Variants in GLIS3 observed in about 807,000 individuals in gnomAD.
The protein encoded by GLIS3 is zinc finger protein GLIS3.
A neutral mutation model predicts 78.6 loss-of-function variants in GLIS3; 53 were observed. The observed-to-expected ratio is 0.67, with a 90% CI of 0.54 to 0.85. The LOEUF (loss-of-function observed/expected upper bound fraction) is 0.85. GLIS3 is among the 40% of genes least tolerant of loss of function. The pLI is 0.00. For missense variants in GLIS3, 1,703 were observed against 1,231.1 expected (o/e 1.38, Z -5.74); for synonymous variants, 684 against 509.9 (o/e 1.34, Z -4.60).
At chr9:4,042,613 C>G (rs189300416) in intron 4 of GLIS3, among the ~76,000 whole-genome samples, 2 of 152,190 alleles carry the variant, frequency 1.3e-5, no homozygotes, top group South Asian at 4.2e-4. Flanking sequence ...TTTATGTAAG[C>G]CCAGGTGTTC....
intron 4 of GLIS3, among the ~76,000 whole-genome samples, chr9:4,113,544 G>A (rs1831396222): frequency 6.6e-6 from 1 of 152,198 alleles, no homozygotes; most frequent in Non-Finnish European, 1.5e-5. Flanking sequence ...ATGAAGTGGG[G>A]ATTAAGAATT....
chr9:4,330,748 G>A (rs1367953221), intron 2 of GLIS3, among the ~76,000 whole-genome samples: 1 of 152,150 alleles, frequency 6.6e-6, no homozygotes, highest in East Asian at 1.9e-4. Flanking sequence ...GGGAGGGAGT[G>A]GGAGCCCACT....
intron 4 of GLIS3, among the ~76,000 whole-genome samples, chr9:4,024,035 C>CA (rs111949985): frequency 0.12 from 16,565 of 143,930 alleles, 1,007 homozygotes; most frequent in Middle Eastern, 0.15. Flanking sequence ...CAAAAAAAAA[C>CA]AAAAAAAAAA....
chr9:4,120,567 G>A (rs192645867), intron 3 of GLIS3, among the ~76,000 whole-genome samples: 139 of 152,348 alleles, frequency 9.1e-4, no homozygotes, highest in African/African-American at 3.2e-3. Flanking sequence ...CCTGGTGATT[G>A]GATGTCAAGG....
intron 2 of GLIS3, among the ~76,000 whole-genome samples, chr9:4,133,926 T>G (rs1419478267): frequency 6.6e-6 from 1 of 151,930 alleles, no homozygotes; most frequent in Non-Finnish European, 1.5e-5. Context: ...TAGGCCATTC[T>G]AGTTCCTCAT....
At position 3,968,397 on chromosome 9, in the gene GLIS3, A is replaced by G. The variant is rs557325746; in HGVS notation, c.1711-31208T>C. On this transcript the variant is annotated intron_variant, in intron 4 of 10. Coordinates refer to ENST00000381971, the MANE Select transcript of GLIS3 (RefSeq NM_001042413.2). The stretch of plus-strand genomic sequence containing the variant: ...ACAGAAAGCATATCAGTTAAGCAAC[A>G]AACAAAATTTTTTTAAAGGAGGTAG... Among the ~76,000 whole-genome samples, 6 of 152,376 alleles carry G rather than the reference A, an allele frequency of 3.9e-5. No homozygotes were observed. In the East Asian group the frequency reaches 1.2e-3, roughly 29 times the overall value.
intron 4 of GLIS3, among the ~76,000 whole-genome samples, chr9:4,008,673 T>C (rs1821750182): frequency 6.6e-6 from 1 of 152,148 alleles, no homozygotes; most frequent in Admixed American, 6.5e-5. Context: ...ACATGCCCCA[T>C]GTGCTTGCTT....
the GLIS3 span, among the ~76,000 whole-genome samples, chr9:4,487,983 C>T: frequency 5.9e-5 from 9 of 152,152 alleles, no homozygotes; most frequent in African/African-American, 7.2e-5. Context: ...TGAGCCAACA[C>T]GCCCAGCTCT....
At chr9:4,348,927 G>C (rs1817927745), upstream of GLIS3, among the ~76,000 whole-genome samples, 1 of 152,102 alleles carries the variant, frequency 6.6e-6, no homozygotes, top group Non-Finnish European at 1.5e-5. Flanking sequence ...CTTCTTTATA[G>C]TTTTTCATTT....
intron 4 of GLIS3, among the ~76,000 whole-genome samples, chr9:3,996,627 G>T (rs1052272458): frequency 2.0e-5 from 3 of 151,664 alleles, no homozygotes; most frequent in African/African-American, 7.3e-5. Context: ...TTAGGAGTTA[G>T]GAAAAAAACT....
At chr9:4,441,124 C>T in the GLIS3 span, among the ~76,000 whole-genome samples, 1 of 152,154 alleles carries the variant, frequency 6.6e-6, no homozygotes, top group Non-Finnish European at 1.5e-5. Context: ...TTCCTCCTTT[C>T]CAATTTGGAT....
chr9:4,165,519 A>G (rs570678195), intron 2 of GLIS3, among the ~76,000 whole-genome samples: 1 of 152,210 alleles, frequency 6.6e-6, no homozygotes, highest in Admixed American at 6.5e-5. Flanking sequence ...GTTTACAGAT[A>G]AATGCTTATG....
chr9:4,401,222 A>G, the GLIS3 span, among the ~76,000 whole-genome samples: 1 of 152,066 alleles, frequency 6.6e-6, no homozygotes, highest in African/African-American at 2.4e-5. Flanking sequence ...AGCATTAACC[A>G]TGAACTGACA....
At chr9:3,958,101 C>T (rs963664097) in intron 4 of GLIS3, among the ~76,000 whole-genome samples, 3 of 152,192 alleles carry the variant, frequency 2.0e-5, no homozygotes, top group African/African-American at 7.2e-5. Flanking sequence ...TTCAACATTG[C>T]CTTCCACTCT....
upstream of GLIS3, among the ~76,000 whole-genome samples, chr9:4,300,885 C>T (rs936477209): frequency 2.4e-4 from 37 of 152,050 alleles, no homozygotes; most frequent in South Asian, 6.2e-4. Flanking sequence ...GGCCTTTCTG[C>T]AGTTGACAGT....
intron 2 of GLIS3, among the ~76,000 whole-genome samples, chr9:4,245,734 G>C (rs912434482): frequency 5.3e-5 from 8 of 151,850 alleles, no homozygotes; most frequent in Admixed American, 3.9e-4. Flanking sequence ...ATTATATACA[G>C]GTATATAAAT....
chr9:4,102,790 T>C lies in GLIS3; in HGVS notation c.1710+14978A>G, dbSNP rs142530833. ...TTTTTTAAGCACTGGATATGCTTTT[T>C]TTCGTAGTCAGTGGATGGAAAACAC... On this transcript the variant is annotated intron_variant, in intron 4 of 10. Transcript: ENST00000381971. Among the ~76,000 whole-genome samples, 7 of 152,150 alleles carry C rather than the reference T, an allele frequency of 4.6e-5. No homozygotes were observed. In the East Asian group the frequency reaches 1.2e-3, roughly 25 times the overall value.
chr9:4,165,884 A>G (rs895721335), intron 2 of GLIS3, among the ~76,000 whole-genome samples: 1 of 152,206 alleles, frequency 6.6e-6, no homozygotes, highest in Non-Finnish European at 1.5e-5. Flanking sequence ...GGAATCTCCA[A>G]TGTTTGGGGA....
At chr9:4,096,239 T>C (rs1007135862) in intron 4 of GLIS3, among the ~76,000 whole-genome samples, 1 of 152,210 alleles carries the variant, frequency 6.6e-6, no homozygotes, top group Admixed American at 6.5e-5. Flanking sequence ...AACCAGACGA[T>C]GTGCGGTTAA....
Sources: gnomAD v4.1 joint callset for allele counts (sites outside exome capture counted in the v4.1 genomes callset) on GRCh38, gnomAD v4.1.1 for gene constraint, MANE v1.5 for transcripts, NCBI Gene and HGNC (gene_info 2026-07-23, HGNC 2026-07-21) for gene names.